The following DECR1 variants were observed in gnomAD, a reference collection of about 807,000 sequenced individuals.
DECR1 encodes 2,4-dienoyl-CoA reductase [(3E)-enoyl-CoA-producing], mitochondrial.
In DECR1, 44 loss-of-function variants were observed where a neutral mutation model predicts 38.8. The observed-to-expected ratio is 1.13, with a 90% CI of 0.89 to 1.46. The LOEUF is 1.46. DECR1 is among the 40% of genes most tolerant of loss of function. The pLI is 0.00. For synonymous variants in DECR1, 148 were observed against 135.2 expected (o/e 1.09, Z -0.66); for missense variants, 428 against 405.5 (o/e 1.06, Z -0.48).
chr8:90,037,699 T>G (rs949977788), intron 6 of DECR1, among the ~76,000 whole-genome samples: 1 of 152,104 alleles, frequency 6.6e-6, no homozygotes, highest in African/African-American at 2.4e-5. Flanking sequence ...TCCTCCTGCC[T>G]CAGCCTCCCA....
Position 90,052,239 on chromosome 8 carries a change from A to T in DECR1, c.*342A>T. The T allele has an allele frequency of 4.1e-6, 1 of 245,404 alleles. No homozygotes were observed. Among genetic ancestry groups the T allele is most frequent in the Non-Finnish European group, 7.8e-6 (1 of 127,672 alleles). 15.2% of individuals were successfully genotyped at this position (245,404 alleles called of 1,614,324 possible). ...AACTCAATGGTGGCGGTAGCATTTG[A>T]GTTACATAATATACTATACCTATAT... On this transcript the variant is annotated 3_prime_UTR_variant, in exon 10 of 10. Transcript: ENST00000220764.
In DECR1 at chr8:90,011,784, A is replaced by G. The variant is rs77919758; in HGVS notation, c.70-5340A>G. Among the ~76,000 whole-genome samples, 1,140 of 152,194 alleles carry G rather than the reference A, an allele frequency of 7.5e-3. 14 individuals carry two copies. Among genetic ancestry groups the G allele is most frequent in the African/African-American group, 0.026 (1,074 of 41,506 alleles). On this transcript the variant is annotated intron_variant, in intron 1 of 9. Transcript: ENST00000220764. The stretch of plus-strand genomic sequence containing the variant: ...TCCTTCTCCCCCTGCTTCTTTCCCA[A>G]ATGAATGAGTATTTCTTTTAGATAA...
At chr8:90,049,300 T>A (rs1313200805) in intron 8 of DECR1, among the ~76,000 whole-genome samples, 2 of 152,192 alleles carry the variant, frequency 1.3e-5, no homozygotes, top group African/African-American at 2.4e-5. Flanking sequence ...GCCCAAAACC[T>A]CCTTAAGCTG....
intron 1 of DECR1, chr8:90,005,824 C>T (rs556474318): frequency 6.6e-6 from 2 of 303,410 alleles, no homozygotes; most frequent in South Asian, 6.5e-5. Context: ...CGGCCTAAGG[C>T]TGCTTGCACT....
At chr8:90,024,593 A>G (rs1004384364) in intron 5 of DECR1, among the ~76,000 whole-genome samples, 26 of 152,000 alleles carry the variant, frequency 1.7e-4, no homozygotes, top group African/African-American at 5.8e-4. Context: ...AAATTTGTTT[A>G]AGTTCTTTGT....
intron 8 of DECR1, among the ~76,000 whole-genome samples, chr8:90,046,607 C>T (rs1023597549): frequency 1.3e-5 from 2 of 152,192 alleles, no homozygotes; most frequent in Admixed American, 1.3e-4. Flanking sequence ...AGTTGGAAAA[C>T]ATGCTGCAGG....
chr8:90,027,932 A>G (rs1813394991), intron 5 of DECR1, among the ~76,000 whole-genome samples: 1 of 152,022 alleles, frequency 6.6e-6, no homozygotes, highest in South Asian at 2.1e-4. Context: ...ATCTTCCTTC[A>G]TTTTGGTAAA....
intron 1 of DECR1, among the ~76,000 whole-genome samples, chr8:90,004,558 A>G (rs1812694359): frequency 6.6e-6 from 1 of 152,166 alleles, no homozygotes; most frequent in Non-Finnish European, 1.5e-5. Flanking sequence ...TTTTACTTGG[A>G]TGTCACATTT....
At chr8:90,041,163 A>T (rs371108891) in intron 6 of DECR1, among the ~76,000 whole-genome samples, 2 of 152,120 alleles carry the variant, frequency 1.3e-5, no homozygotes, top group East Asian at 3.9e-4. Flanking sequence ...AATGATTGCC[A>T]TTCTAACTGG....
intron 8 of DECR1, among the ~76,000 whole-genome samples, chr8:90,046,292 A>G (rs779521382): frequency 6.6e-5 from 10 of 152,234 alleles, no homozygotes; most frequent in Non-Finnish European, 1.0e-4. Flanking sequence ...AAAAACCTTG[A>G]TAAAAGATTA....
chr8:90,020,852 A>G (rs74648935), intron 4 of DECR1, 57 bp from the exon 5 acceptor site: 55,822 of 1,399,262 alleles, frequency 0.04, 2,132 homozygotes, highest in East Asian at 0.2. Context: ...AAAACCCTGC[A>G]GGGAAAATGT....
chr8:90,031,565 T>C (rs1813495022), intron 5 of DECR1, among the ~76,000 whole-genome samples: 1 of 152,168 alleles, frequency 6.6e-6, no homozygotes, highest in South Asian at 2.1e-4. Flanking sequence ...ATTCTAGTTT[T>C]TAAATGTTAT....
chr8:90,015,768 A>G, intron 1 of DECR1: 1 of 413,356 alleles, frequency 2.4e-6, no homozygotes, highest in South Asian at 1.8e-5. Flanking sequence ...GCAGGATCTC[A>G]GAGAATAGAC....
At chr8:90,021,169 C>T (rs1215522551) in intron 5 of DECR1, 113 bp downstream of exon 5, 7 of 692,522 alleles carry the variant, frequency 1.0e-5, no homozygotes, top group African/African-American at 7.5e-5. Context: ...GTACAACTCA[C>T]AGTGTAATGG....
chr8:90,041,180 A>G (rs867302993), intron 6 of DECR1, among the ~76,000 whole-genome samples: 2 of 151,942 alleles, frequency 1.3e-5, no homozygotes, highest in African/African-American at 4.8e-5. Context: ...CTGGCATGAG[A>G]TGGTATCTCG....
At chr8:90,013,486 G>T (rs1812938187) in intron 1 of DECR1, among the ~76,000 whole-genome samples, 2 of 128,298 alleles carry the variant, frequency 1.6e-5, no homozygotes, top group African/African-American at 5.9e-5. Context: ...GAGGCCTAAA[G>T]TCCTTGAAGG....
intron 7 of DECR1, among the ~76,000 whole-genome samples, chr8:90,043,933 T>C (rs1334251523): frequency 6.6e-6 from 1 of 152,214 alleles, no homozygotes; most frequent in Non-Finnish European, 1.5e-5. Flanking sequence ...TTAACCTATA[T>C]TTATTGACTG....
chr8:90,032,707 G>C (rs1172659873), intron 5 of DECR1, among the ~76,000 whole-genome samples: 2 of 152,070 alleles, frequency 1.3e-5, no homozygotes, highest in African/African-American at 4.8e-5. Context: ...TGCTTCCTTA[G>C]ATATGGCACC....
rs747193294 is a variant in DECR1 at position 90,051,735 on chromosome 8, G to A, written c.944G>A (p.Arg315Lys). Residue 315 changes from arginine to lysine, a missense_variant, in exon 9 of 10, where the codon AGA becomes AAA. By Grantham distance (26) the Arg-to-Lys change is conservative. Transcript: ENST00000220764. ...VLISGEFNDL[R>K]KVTKEQWDTI... ...ATTTCAGGGGAATTCAACGACCTGA[G>A]AAAGGTAATGCTTTTGTGTGTATAA... The A allele has an allele frequency of 3.1e-6, 5 of 1,613,406 alleles. No homozygotes were observed. The East Asian group carries it at 6.7e-5, about 22-fold the overall frequency.
Sources: allele counts gnomAD v4.1 joint callset (sites outside exome capture counted in the v4.1 genomes callset), GRCh38; gene constraint gnomAD v4.1.1; transcripts MANE v1.5; gene names NCBI Gene and HGNC (gene_info 2026-07-23, HGNC 2026-07-21).